PITPNC1: variants seen among roughly 807,000 people sequenced by gnomAD.
PITPNC1 encodes the protein cytoplasmic phosphatidylinositol transfer protein 1.
Under a neutral mutation model 44.7 loss-of-function variants are expected in PITPNC1, and 18 were observed. The observed-to-expected ratio is 0.40, with a 90% CI of 0.28 to 0.60. The LOEUF is 0.60. Among genes scored for constraint, PITPNC1 ranks in the 20% least tolerant of loss-of-function variants. The probability of loss-of-function intolerance (pLI) is 0.39; values close to 1 mark genes in which losing one functional copy is unlikely to be tolerated. For missense variants in PITPNC1, 290 were observed against 418.4 expected, an observed-to-expected ratio of 0.69 and a Z score of 2.68; for synonymous variants, 141 against 149.6, an observed-to-expected ratio of 0.94 and a Z score of 0.42.
chr17:67,391,123 A>G (rs1598608079), intron 1 of PITPNC1, among the ~76,000 whole-genome samples: 1 of 150,310 alleles, frequency 6.7e-6, no homozygotes, highest in African/African-American at 2.5e-5. Flanking sequence ...TTGACCTTCT[A>G]GAATTCCTGT....
In PITPNC1 at chr17:67,608,026, G is replaced by A. The variant is rs554302071; in HGVS notation, c.367-24117G>A. ...ATTACAGGCATGAGCCACCGGCCCC[G>A]GCCTGACCCTTTACCCTTGAATACT... is the stretch of plus-strand genomic sequence containing the variant. On this transcript the variant is annotated intron_variant, in intron 5 of 8. Transcript: ENST00000581322. Among the ~76,000 whole-genome samples, 50 of 151,970 alleles carry A rather than the reference G, an allele frequency of 3.3e-4. No homozygotes were observed. In the South Asian group the frequency reaches 0.01, roughly 31 times the overall value.
chr17:67,581,645 A>G (rs1342029952), intron 5 of PITPNC1, among the ~76,000 whole-genome samples: 1 of 152,146 alleles, frequency 6.6e-6, no homozygotes, highest in African/African-American at 2.4e-5. Flanking sequence ...GCCCCACTTC[A>G]TTAGACTTCT....
chr17:67,667,490 CAAA>C (rs71139168), intron 6 of PITPNC1, among the ~76,000 whole-genome samples: 30 of 107,650 alleles, frequency 2.8e-4, no homozygotes, highest in South Asian at 2.2e-3. Flanking sequence ...GATCCTTTCT[CAAA>C]AAAAAAAAAA....
chr17:67,559,180 C>T (rs1568040100), intron 4 of PITPNC1, among the ~76,000 whole-genome samples: 1 of 152,220 alleles, frequency 6.6e-6, no homozygotes, highest in Non-Finnish European at 1.5e-5. Flanking sequence ...TTCCCCGCAC[C>T]TTCCCCTGAG....
rs1481910648 is a variant in PITPNC1, at chr17:67,379,219, C to T, written c.48+1017C>T. The T allele has an allele frequency of 6.1e-6, 6 of 985,634 alleles. No homozygotes were observed. The East Asian group carries it at 6.8e-4, about 112-fold the overall frequency. 61.1% of individuals were successfully genotyped at this position (985,634 alleles called of 1,614,324 possible). A position where few individuals can be genotyped will look rare whatever the true frequency, so the allele number is the denominator to read the frequency against. ...GGTGTGGCAACACACATGAAATCAG[C>T]CACCCAGACCGTCTTTATATTTAAA... On this transcript the variant is annotated intron_variant, in intron 1 of 8. Coordinates refer to ENST00000581322, the MANE Select transcript of PITPNC1 (RefSeq NM_012417.4).
At chr17:67,613,560 A>T (rs898764828) in intron 5 of PITPNC1, 1 of 152,188 alleles carries the variant, frequency 6.6e-6, no homozygotes, top group Non-Finnish European at 1.5e-5. Context: ...TCAGACCTTA[A>T]AAATGAGTGC....
intron 1 of PITPNC1, among the ~76,000 whole-genome samples, chr17:67,527,733 A>G (rs932767111): frequency 6.6e-6 from 1 of 152,130 alleles, no homozygotes; most frequent in Admixed American, 6.5e-5. Flanking sequence ...GGCTGGGTGC[A>G]GTGGCTCACG....
intron 8 of PITPNC1, among the ~76,000 whole-genome samples, chr17:67,690,435 C>CAA (rs2042900368): frequency 1.0e-5 from 1 of 99,654 alleles, no homozygotes; most frequent in South Asian, 3.3e-4. Flanking sequence ...GAGACAAGAG[C>CAA]AAAACTCTGT....
chr17:67,664,466 T>A (rs2042393807), intron 6 of PITPNC1, among the ~76,000 whole-genome samples: 1 of 152,228 alleles, frequency 6.6e-6, no homozygotes, highest in Non-Finnish European at 1.5e-5. Flanking sequence ...CTCACCAGCA[T>A]CTATTGTTTT....
chr17:67,658,713 T>A (rs569829550), intron 6 of PITPNC1, among the ~76,000 whole-genome samples: 1 of 152,140 alleles, frequency 6.6e-6, no homozygotes, highest in Non-Finnish European at 1.5e-5. Context: ...TGCTGGGTTG[T>A]CTCCTACATC....
chr17:67,468,787 C>T (rs981427936), intron 1 of PITPNC1, among the ~76,000 whole-genome samples: 2 of 151,804 alleles, frequency 1.3e-5, no homozygotes, highest in African/African-American at 4.8e-5. Context: ...ACCTCTGCCT[C>T]CCAGGTTCAA....
At position 67,472,332 on chromosome 17, in the gene PITPNC1, T is replaced by TAAAAAAA. The variant is rs751090662; in HGVS notation, c.49-60444_49-60438dup. On this transcript the variant is annotated intron_variant, in intron 1 of 8. Transcript: ENST00000581322. Reference sequence around the variant, plus strand: ...ATTAACACTATGACAGCTGTTGAGCTAAAAAAAAAAAAAAAAAAAAAAAAA... The same window carrying TAAAAAAA: ...ATTAACACTATGACAGCTGTTGAGCTAAAAAAAAAAAAAAAAAAAAAAAAAAAAAAAA... Among the ~76,000 whole-genome samples, 16 of 41,416 alleles carry TAAAAAAA rather than the reference T, an allele frequency of 3.9e-4. 2 individuals carry two copies. The highest frequency in any genetic ancestry group is 4.3e-4 in the African/African-American group (4 of 9,324). The allele number at this position is 41,416 out of a possible 152,430, so 27.2% of individuals were successfully genotyped here.
In PITPNC1 at chr17:67,380,696, C is replaced by T. The variant is rs539096079; in HGVS notation, c.48+2494C>T. ...TCTCCACCATCCCCTTTTCCACTGA[C>T]CCTTTTTCCACATTGAAAATGAGGA... On this transcript the variant is annotated intron_variant, in intron 1 of 8. Transcript: ENST00000581322. 5.9e-5 allele frequency among the ~76,000 whole-genome samples: 9 copies of T among 152,274 alleles called. No individual in the cohort carries two copies. In the East Asian group the frequency reaches 1.7e-3, roughly 29 times the overall value.
chr17:67,483,128 C>T (rs1463162446), intron 1 of PITPNC1, among the ~76,000 whole-genome samples: 1 of 152,186 alleles, frequency 6.6e-6, no homozygotes, highest in Non-Finnish European at 1.5e-5. Flanking sequence ...GCAGAGCCAT[C>T]TTTAAACCCC....
intron 4 of PITPNC1, among the ~76,000 whole-genome samples, chr17:67,570,673 A>C (rs1400765642): frequency 6.6e-6 from 1 of 152,298 alleles, no homozygotes; most frequent in South Asian, 2.1e-4. Flanking sequence ...TTGATAGATG[A>C]GGAAACTGAA....
chr17:67,496,530 C>T (rs889318225), intron 1 of PITPNC1, among the ~76,000 whole-genome samples: 2 of 152,034 alleles, frequency 1.3e-5, no homozygotes, highest in African/African-American at 4.8e-5. Context: ...TCCCAGCCTC[C>T]CCGTGTTTAC....
At chr17:67,533,831 C>T (rs77822147) in intron 2 of PITPNC1, among the ~76,000 whole-genome samples, 11 of 152,234 alleles carry the variant, frequency 7.2e-5, no homozygotes, top group South Asian at 6.2e-4. Flanking sequence ...TCAAGCGTGC[C>T]GTTTCTGCTT....
intron 1 of PITPNC1, among the ~76,000 whole-genome samples, chr17:67,402,747 A>G (rs1473236911): frequency 6.6e-6 from 1 of 152,070 alleles, no homozygotes; most frequent in African/African-American, 2.4e-5. Context: ...GTTCACTGCA[A>G]TCTTCCCCTC....
chr17:67,468,564 G>A (rs1043389241), intron 1 of PITPNC1, among the ~76,000 whole-genome samples: 3 of 151,190 alleles, frequency 2.0e-5, no homozygotes, highest in African/African-American at 7.3e-5. Flanking sequence ...ACCACGCCCA[G>A]CTAAATTTTT....
Sources: allele counts gnomAD v4.1 joint callset (sites outside exome capture counted in the v4.1 genomes callset), GRCh38; gene constraint gnomAD v4.1.1; transcripts MANE v1.5; gene names NCBI Gene and HGNC (gene_info 2026-07-23, HGNC 2026-07-21).